The following DCLK2 variants were observed in gnomAD, a reference collection of about 807,000 sequenced individuals.
DCLK2 encodes the protein doublecortin like kinase 2.
In DCLK2, 31 loss-of-function variants were observed where a neutral mutation model predicts 78.4. The observed-to-expected ratio is 0.40, with a 90% CI of 0.30 to 0.53. DCLK2 has a LOEUF of 0.53. Among genes scored for constraint, DCLK2 ranks in the 20% least tolerant of loss-of-function variants. DCLK2 has a pLI of 0.61. For synonymous variants in DCLK2, 407 were observed against 374.9 expected, an observed-to-expected ratio of 1.09 and a Z score of -0.99; for missense variants, 872 against 973.7, an observed-to-expected ratio of 0.90 and a Z score of 1.39.
At chr4:150,112,158 CCTT>C (rs777392618) in intron 2 of DCLK2, among the ~76,000 whole-genome samples, 1 of 152,064 alleles carries the variant, frequency 6.6e-6, no homozygotes, top group Non-Finnish European at 1.5e-5. Context: ...TTGTAGTTCT[CCTT>C]CTAGAGATCG....
intron 15 of DCLK2, chr4:150,253,524 T>C (rs1338185170): frequency 7.8e-7 from 1 of 1,289,700 alleles, no homozygotes; most frequent in South Asian, 1.2e-5. Context: ...TTTACCCCGC[T>C]GAGACAGTGG....
chr4:150,192,094 G>C (rs1738495343), intron 2 of DCLK2, among the ~76,000 whole-genome samples: 1 of 152,240 alleles, frequency 6.6e-6, no homozygotes. Flanking sequence ...GTCACCACTG[G>C]GATAAATGGA....
intron 5 of DCLK2, among the ~76,000 whole-genome samples, chr4:150,215,742 G>C (rs115635204): frequency 6.6e-6 from 1 of 152,162 alleles, no homozygotes; most frequent in Non-Finnish European, 1.5e-5. Context: ...TGGACAAAAA[G>C]GGGTATGATC....
chr4:150,217,416 A>G (rs892456790), intron 5 of DCLK2, among the ~76,000 whole-genome samples: 8 of 152,300 alleles, frequency 5.3e-5, no homozygotes, highest in Middle Eastern at 3.4e-3. Context: ...TGGGAGGTCC[A>G]ATGAACTGAA....
At chr4:150,235,237 C>A (rs1181018523) in intron 10 of DCLK2, among the ~76,000 whole-genome samples, 1 of 152,204 alleles carries the variant, frequency 6.6e-6, no homozygotes, top group Non-Finnish European at 1.5e-5. Flanking sequence ...CTCTCACCTC[C>A]TGTTTCTTCT....
At chr4:150,128,516 G>T (rs1733074338) in intron 2 of DCLK2, among the ~76,000 whole-genome samples, 1 of 152,132 alleles carries the variant, frequency 6.6e-6, no homozygotes, top group African/African-American at 2.4e-5. Context: ...ATTTTAGAAA[G>T]TTTACTCTGG....
Position 150,256,011 on chromosome 4 carries a change from C to A in DCLK2, c.2074-9C>A. 1 of 1,612,348 alleles carries A rather than the reference C, an allele frequency of 6.2e-7. No homozygotes were observed. The highest frequency in any genetic ancestry group is 8.5e-7 in the Non-Finnish European group (1 of 1,179,536). On this transcript the variant is annotated splice_polypyrimidine_tract_variant and intron_variant, in intron 15 of 15. Coordinates refer to ENST00000296550, the MANE Select transcript of DCLK2 (RefSeq NM_001040260.4). ...GGGTAATGTGTTGTCTCTGCTGTTT[C>A]CTCCTCAGAACACGGCTCTAGATAA...
rs1732508626 is a variant in DCLK2 at position 150,121,125 on chromosome 4, T to C, written c.756+18313T>C. On this transcript the variant is annotated intron_variant, in intron 2 of 15. Coordinates refer to ENST00000296550, the MANE Select transcript of DCLK2 (RefSeq NM_001040260.4). ...CTTCAAGTCATAATCTTTTTGCTGG[T>C]ATAGGGTCTTGCCTTGATGTTGGTG... Among the ~76,000 whole-genome samples, 5 of 135,830 alleles carry C rather than the reference T, an allele frequency of 3.7e-5. No homozygotes were observed. The Admixed American group carries it at 3.7e-4, about 10-fold the overall frequency. The allele number at this position is 135,830 out of a possible 152,430, so 89.1% of individuals were successfully genotyped here. A position where few individuals can be genotyped will look rare whatever the true frequency, so the allele number is the denominator to read the frequency against.
intron 15 of DCLK2, 37 bp downstream of exon 15, chr4:150,249,721 G>A (rs1159231981): frequency 6.4e-7 from 1 of 1,568,436 alleles, no homozygotes; most frequent in East Asian, 2.2e-5. Context: ...TGACTGCGGA[G>A]CCGGCCTTGA....
intron 2 of DCLK2, among the ~76,000 whole-genome samples, chr4:150,123,034 T>G (rs1028772891): frequency 2.6e-5 from 4 of 152,242 alleles, no homozygotes; most frequent in Admixed American, 6.5e-5. Context: ...AAGGGAATGT[T>G]GTAGCTGGAT....
chr4:150,207,938 A>G (rs920836700), intron 5 of DCLK2, among the ~76,000 whole-genome samples: 1 of 152,158 alleles, frequency 6.6e-6, no homozygotes, highest in Non-Finnish European at 1.5e-5. Flanking sequence ...AGCTCCAACA[A>G]GGAAAAGTGG....
At chr4:150,155,306 TAAC>T (rs1179812342) in intron 2 of DCLK2, among the ~76,000 whole-genome samples, 5 of 152,170 alleles carry the variant, frequency 3.3e-5, no homozygotes, top group African/African-American at 1.2e-4. Context: ...TCACCAGCAT[TAAC>T]AACCTACAGA....
At chr4:150,088,880 A>T (rs1439877632) in intron 1 of DCLK2, among the ~76,000 whole-genome samples, 1 of 152,138 alleles carries the variant, frequency 6.6e-6, no homozygotes, top group African/African-American at 2.4e-5. Flanking sequence ...ACGAAAGCAC[A>T]CTCACAAGGA....
At chr4:150,255,148 A>T (rs1744468769) in intron 15 of DCLK2, among the ~76,000 whole-genome samples, 1 of 152,196 alleles carries the variant, frequency 6.6e-6, no homozygotes, top group Non-Finnish European at 1.5e-5. Flanking sequence ...TACTGAAAGA[A>T]TCTTTAGTGC....
chr4:150,139,860 T>G (rs1393782826), intron 2 of DCLK2, among the ~76,000 whole-genome samples: 1 of 152,252 alleles, frequency 6.6e-6, no homozygotes. Flanking sequence ...TCCATCCTTT[T>G]AAATGTATAA....
chr4:150,251,277 C>T (rs111215787), intron 15 of DCLK2, among the ~76,000 whole-genome samples: 46 of 292 alleles, frequency 0.16, 23 homozygotes, highest in Non-Finnish European at 0.6. Flanking sequence ...CCCACACCCC[C>T]CACACCACAC....
In DCLK2 at chr4:150,079,247, G is replaced by A. The variant is rs764621558; in HGVS notation, c.220G>A (p.Ala74Thr). 1.2e-6 allele frequency: 2 copies of A among 1,608,496 alleles called. No homozygotes were observed. The highest frequency in any genetic ancestry group is 2.2e-5 in the South Asian group (2 of 90,066). ...ALSSEKKAKKARFYRNGDRYF... is the reference protein window; with the variant it reads ...ALSSEKKAKKTRFYRNGDRYF... ...CAGCTCGGAGAAGAAGGCCAAGAAG[G>A]CGCGCTTCTACCGGAACGGGGACCG... Residue 74 changes from alanine to threonine, a missense_variant, in exon 1 of 16, where the codon GCG becomes ACG. Physicochemically the swap from Ala to Thr is moderately conservative, Grantham distance 58. Coordinates refer to ENST00000296550, the MANE Select transcript of DCLK2 (RefSeq NM_001040260.4).
rs1326010844 is a variant in DCLK2, at chr4:150,102,623, A to G, written c.567A>G (p.Glu189=). The G allele has an allele frequency of 1.2e-6, 2 of 1,614,200 alleles. No individual in the cohort carries two copies. The highest frequency in any genetic ancestry group is 2.2e-5 in the South Asian group (2 of 91,086). ...CCTCTGTGAAAAGTGAAGTAAAAGA[A>G]AGTAAAGATTTCATCAAACCCAAGT... ...AASSVKSEVK[E]SKDFIKPKLV... Residue 189 remains glutamate, a synonymous_variant, in exon 2 of 16, where the codon GAA becomes GAG. Transcript: ENST00000296550.
chr4:150,176,349 G>A (rs78723505), intron 2 of DCLK2, among the ~76,000 whole-genome samples: 1,780 of 152,266 alleles, frequency 0.012, 35 homozygotes, highest in African/African-American at 0.041. Flanking sequence ...GTGTAAGAGC[G>A]AGAAAGATAC....
Sources: gnomAD v4.1 joint callset for allele counts (sites outside exome capture counted in the v4.1 genomes callset) on GRCh38, gnomAD v4.1.1 for gene constraint, MANE v1.5 for transcripts, NCBI Gene and HGNC (gene_info 2026-07-23, HGNC 2026-07-21) for gene names.